TAFA2: variants seen among roughly 807,000 people sequenced by gnomAD.
TAFA2 encodes the protein TAFA chemokine like family member 2, also known as chemokine-like protein TAFA-2.
Under a neutral mutation model 18.8 loss-of-function variants are expected in TAFA2, and 7 were observed. The ratio of observed to expected loss-of-function variants is 0.37; its 90% CI spans 0.21 to 0.70. TAFA2 has a LOEUF of 0.70. Among genes scored for constraint, TAFA2 ranks in the 30% least tolerant of loss-of-function variants. The pLI is 0.53. For missense variants in TAFA2, 122 were observed against 158.1 expected (o/e 0.77, Z 1.23); for synonymous variants, 60 against 54.2 (o/e 1.11, Z -0.47).
At chr12:61,954,582 G>A (rs1878586987) in intron 1 of TAFA2, among the ~76,000 whole-genome samples, 1 of 151,972 alleles carries the variant, frequency 6.6e-6, no homozygotes. Flanking sequence ...ATTGCTTACA[G>A]ATATATTGTT....
intron 1 of TAFA2, among the ~76,000 whole-genome samples, chr12:61,933,329 G>T (rs1173933641): frequency 6.6e-6 from 1 of 152,104 alleles, no homozygotes; most frequent in Non-Finnish European, 1.5e-5. Context: ...GTAATGGATA[G>T]GAAACACCTA....
In TAFA2 at chr12:61,879,289, G is replaced by A; in HGVS notation, c.-1-11863C>T. The A allele has an allele frequency of 6.8e-6, 3 of 443,160 alleles. No homozygotes were observed. The East Asian group carries it at 1.3e-4, about 19-fold the overall frequency. 27.5% of individuals were successfully genotyped at this position (443,160 alleles called of 1,614,324 possible). A position where few individuals can be genotyped will look rare whatever the true frequency, so the allele number is the denominator to read the frequency against. On this transcript the variant is annotated intron_variant, in intron 1 of 4. Coordinates refer to ENST00000416284, the MANE Select transcript of TAFA2 (RefSeq NM_178539.5). ...CTTCTCGAATCTCCGCCTGGTTGGGGCCCACCTGCTTCCACTCCTGCCTCC... is the reference window on the plus strand; with the variant it reads ...CTTCTCGAATCTCCGCCTGGTTGGGACCCACCTGCTTCCACTCCTGCCTCC...
intron 1 of TAFA2, among the ~76,000 whole-genome samples, chr12:61,990,268 A>G (rs1182246567): frequency 1.3e-5 from 2 of 151,110 alleles, no homozygotes; most frequent in Admixed American, 6.6e-5. Context: ...ATAACTATGG[A>G]CCATTTGTTA....
chr12:61,763,344 T>C (rs886916270), intron 2 of TAFA2, among the ~76,000 whole-genome samples: 24 of 151,994 alleles, frequency 1.6e-4, no homozygotes, highest in African/African-American at 5.6e-4. Context: ...GTATGGTCTC[T>C]ATTAACAAAA....
chr12:61,739,250 C>G (rs1868359855), intron 4 of TAFA2, among the ~76,000 whole-genome samples: 7 of 151,942 alleles, frequency 4.6e-5, no homozygotes, highest in Admixed American at 4.6e-4. Context: ...CTTGAAGGCA[C>G]CAGCAGTGCT....
intron 1 of TAFA2, among the ~76,000 whole-genome samples, chr12:62,244,494 T>C (rs1474876066): frequency 6.6e-6 from 1 of 152,186 alleles, no homozygotes; most frequent in Non-Finnish European, 1.5e-5. Flanking sequence ...TACTATTTGA[T>C]TTACTTCCAT....
At chr12:62,221,924 G>A (rs895828438) in intron 1 of TAFA2, among the ~76,000 whole-genome samples, 7 of 152,062 alleles carry the variant, frequency 4.6e-5, no homozygotes, top group African/African-American at 1.7e-4. Context: ...TTTTTAACAC[G>A]CAACTACAAA....
At chr12:62,104,235 A>G (rs1869342346) in intron 1 of TAFA2, among the ~76,000 whole-genome samples, 1 of 151,888 alleles carries the variant, frequency 6.6e-6, no homozygotes, top group Non-Finnish European at 1.5e-5. Flanking sequence ...TATCTTCACA[A>G]TAGCTTTCAC....
intron 1 of TAFA2, among the ~76,000 whole-genome samples, chr12:62,061,970 G>A (rs936122632): frequency 6.6e-6 from 1 of 152,012 alleles, no homozygotes; most frequent in Non-Finnish European, 1.5e-5. Flanking sequence ...GGAAAAAAAA[G>A]AGATGCCAGC....
rs186358985 is a variant in TAFA2, at chr12:62,110,518, T to G, written c.-2+80741A>C. On this transcript the variant is annotated intron_variant, in intron 1 of 4. Coordinates refer to ENST00000416284, the MANE Select transcript of TAFA2 (RefSeq NM_178539.5). Reference sequence around the variant, plus strand: ...AAAATGAGTTAGGGAGGACTCCCTCTTTTTCTATTGTTTGGAATAATTTCA... The same window carrying G: ...AAAATGAGTTAGGGAGGACTCCCTCGTTTTCTATTGTTTGGAATAATTTCA... 1.3e-3 allele frequency among the ~76,000 whole-genome samples: 192 copies of G among 152,204 alleles called. 1 individual carries two copies. Among genetic ancestry groups the G allele is most frequent in the African/African-American group, 4.5e-3 (185 of 41,544 alleles).
rs115807071 is a variant in TAFA2, at chr12:61,724,999, A to G, written c.385-14582T>C. On this transcript the variant is annotated intron_variant, in intron 4 of 4. Coordinates refer to ENST00000416284, the MANE Select transcript of TAFA2 (RefSeq NM_178539.5). ...TGTCTATTATTTTTTGATCTTTTAA[A>G]TTATGGCCATTCCATTGTGGTTTTG... 1.9e-3 allele frequency among the ~76,000 whole-genome samples: 283 copies of G among 151,764 alleles called. 2 individuals carry two copies. Among genetic ancestry groups the G allele is most frequent in the African/African-American group, 6.5e-3 (271 of 41,432 alleles).
chr12:62,025,815 T>C (rs990172396), intron 1 of TAFA2, among the ~76,000 whole-genome samples: 3 of 152,142 alleles, frequency 2.0e-5, no homozygotes, highest in Admixed American at 6.6e-5. Context: ...GCAAATTGCT[T>C]GCCCCATCTT....
chr12:62,081,216 A>G (rs547042158), intron 1 of TAFA2, among the ~76,000 whole-genome samples: 3 of 152,180 alleles, frequency 2.0e-5, no homozygotes, highest in African/African-American at 7.2e-5. Flanking sequence ...TCCCCTATAT[A>G]TTATTTCTAT....
intron 1 of TAFA2, among the ~76,000 whole-genome samples, chr12:62,153,491 C>T (rs1592369570): frequency 6.6e-6 from 1 of 151,988 alleles, no homozygotes; most frequent in Non-Finnish European, 1.5e-5. Flanking sequence ...AGCAAGACCC[C>T]ATCTCTACAA....
chr12:62,061,787 T>C (rs978230797), intron 1 of TAFA2, among the ~76,000 whole-genome samples: 6 of 152,178 alleles, frequency 3.9e-5, no homozygotes, highest in African/African-American at 1.4e-4. Context: ...TTATTGAACA[T>C]CTACAATGTA....
intron 1 of TAFA2, among the ~76,000 whole-genome samples, chr12:62,168,862 A>G (rs576293630): frequency 2.0e-5 from 3 of 151,920 alleles, no homozygotes; most frequent in Non-Finnish European, 4.4e-5. Context: ...CAAACAAAAC[A>G]GGCATATCAA....
At chr12:62,016,614 G>A (rs188356889) in intron 1 of TAFA2, among the ~76,000 whole-genome samples, 91 of 152,224 alleles carry the variant, frequency 6.0e-4, no homozygotes, top group Non-Finnish European at 9.6e-4. Context: ...TACAACTGAG[G>A]AGAAAACCTC....
At chr12:62,219,545 C>T (rs1472807564) in intron 1 of TAFA2, among the ~76,000 whole-genome samples, 2 of 152,110 alleles carry the variant, frequency 1.3e-5, no homozygotes, top group Non-Finnish European at 2.9e-5. Context: ...AATTCCAAGT[C>T]TTGTTGAATT....
intron 2 of TAFA2, among the ~76,000 whole-genome samples, chr12:61,774,604 T>C (rs1266727618): frequency 6.6e-6 from 1 of 151,782 alleles, no homozygotes; most frequent in African/African-American, 2.4e-5. Context: ...CACTTATAAG[T>C]GGAAGCTAAG....
Sources: allele counts gnomAD v4.1 joint callset (sites outside exome capture counted in the v4.1 genomes callset), GRCh38; gene constraint gnomAD v4.1.1; transcripts MANE v1.5; gene names NCBI Gene and HGNC (gene_info 2026-07-23, HGNC 2026-07-21).